ANO3: variants seen among roughly 807,000 people sequenced by gnomAD.
The protein encoded by ANO3 is anoctamin-3.
Under a neutral mutation model 144.8 loss-of-function variants are expected in ANO3, and 99 were observed. That is an observed-to-expected ratio of 0.68 (90% CI 0.58 to 0.81). The LOEUF (loss-of-function observed/expected upper bound fraction) is 0.81, where lower values mean the gene tolerates loss of function less well. Ranked by LOEUF, ANO3 falls within the 30% of genes least tolerant of loss-of-function variation. ANO3 has a pLI of 0.00. For synonymous variants in ANO3, 414 were observed against 392.6 expected, an observed-to-expected ratio of 1.05 and a Z score of -0.64; for missense variants, 905 against 1,202.2, an observed-to-expected ratio of 0.75 and a Z score of 3.66.
At chr11:26,189,281 T>C in exon 1 of ANO3, 1 of 985,348 alleles carries the variant, frequency 1.0e-6, no homozygotes, top group Non-Finnish European at 1.2e-6. Flanking sequence ...CTGAACTCTC[T>C]GGTGATTCTA....
Position 26,553,260 on chromosome 11 carries a change from G to A in ANO3, c.1301G>A (p.Cys434Tyr). The change falls in exon 13 of 27, where the codon TGT (cysteine) becomes TAT (tyrosine). Residue 434 changes from cysteine to tyrosine, a missense_variant. This residue lies in a region of ANO3 where 597 missense variants were observed against 865.1 expected (regional missense o/e 0.69). Coordinates refer to ENST00000256737, the MANE Select transcript of ANO3 (RefSeq NM_031418.4). ...MNNSQVSQEI[C>Y]KATEVFMCPL... Reference sequence around the variant, plus strand: ...TGTTTTTTCTCAAGCCAAGAAATTTGTAAAGCCACTGAAGTCTTTATGTGC... The same window carrying A: ...TGTTTTTTCTCAAGCCAAGAAATTTATAAAGCCACTGAAGTCTTTATGTGC... The A allele has an allele frequency of 4.7e-6, 6 of 1,276,668 alleles. No homozygotes were observed. The highest frequency in any genetic ancestry group is 6.6e-6 in the Non-Finnish European group (6 of 908,830). 79.1% of individuals were successfully genotyped at this position (1,276,668 alleles called of 1,614,324 possible).
intron 6 of ANO3, among the ~76,000 whole-genome samples, chr11:26,520,492 A>G (rs1257312817): frequency 1.3e-5 from 2 of 152,266 alleles, no homozygotes; most frequent in African/African-American, 2.4e-5. Flanking sequence ...GTGATCGTGG[A>G]AAGTCTTAGA....
At chr11:26,211,016 A>G (rs906436604) in intron 1 of ANO3, among the ~76,000 whole-genome samples, 1 of 152,128 alleles carries the variant, frequency 6.6e-6, no homozygotes, top group African/African-American at 2.4e-5. Context: ...TCTAATAGAC[A>G]TCGACACAAC....
At chr11:26,529,090 T>A (rs1849237197) in intron 7 of ANO3, among the ~76,000 whole-genome samples, 1 of 45,262 alleles carries the variant, frequency 2.2e-5, no homozygotes, top group Non-Finnish European at 4.2e-5. Context: ...GCAATTATAA[T>A]TTCTATATTA....
intron 6 of ANO3, among the ~76,000 whole-genome samples, chr11:26,520,446 T>G (rs898024615): frequency 6.6e-6 from 1 of 152,290 alleles, no homozygotes; most frequent in African/African-American, 2.4e-5. Flanking sequence ...AGTTTCTTCT[T>G]TATAATGTTT....
rs753255476 is a variant in ANO3, at chr11:26,525,625, A to AT, written c.693-4dup. ...TGGCTTTCCTTAGCTGTTTTCTATTATTTTTTCAGGAAAAAATGCTATTAC... is the reference window on the plus strand; with the variant it reads ...TGGCTTTCCTTAGCTGTTTTCTATTATTTTTTTCAGGAAAAAATGCTATTAC... On this transcript the variant is annotated splice_polypyrimidine_tract_variant and intron_variant, in intron 6 of 26. Transcript: ENST00000256737. 9.7e-5 allele frequency: 156 copies of AT among 1,609,196 alleles called. No homozygotes were observed. The Middle Eastern group carries it at 1.2e-3, about 12-fold the overall frequency.
intron 14 of ANO3, among the ~76,000 whole-genome samples, chr11:26,587,177 A>G (rs1851310083): frequency 6.6e-6 from 1 of 152,202 alleles, no homozygotes; most frequent in African/African-American, 2.4e-5. Flanking sequence ...TATTTATGCC[A>G]GAGTAGACAA....
At chr11:26,612,696 T>C (rs12577673) in intron 17 of ANO3, among the ~76,000 whole-genome samples, 12,898 of 152,086 alleles carry the variant, frequency 0.085, 825 homozygotes, top group Admixed American at 0.2. Context: ...TGGTGACAAA[T>C]TTCTTCAGCA....
intron 4 of ANO3, among the ~76,000 whole-genome samples, chr11:26,487,773 GTGAAACTTTAAAC>G (rs1860517445): frequency 6.6e-6 from 1 of 152,172 alleles, no homozygotes; most frequent in African/African-American, 2.4e-5. Flanking sequence ...CTAGAGATTT[GTGAAACTTTAAAC>G]TTCAGAGAGA....
chr11:26,261,436 C>A (rs1304657010), intron 1 of ANO3, among the ~76,000 whole-genome samples: 1 of 152,108 alleles, frequency 6.6e-6, no homozygotes, highest in Non-Finnish European at 1.5e-5. Context: ...AACAATTTTG[C>A]CTCATTTAAA....
At chr11:26,195,628 C>T (rs564937334) in intron 1 of ANO3, among the ~76,000 whole-genome samples, 4 of 152,102 alleles carry the variant, frequency 2.6e-5, no homozygotes, top group African/African-American at 4.8e-5. Context: ...GAGAATATGA[C>T]AGTGAGGCCA....
chr11:26,497,124 G>A (rs550862077), intron 4 of ANO3, among the ~76,000 whole-genome samples: 3 of 149,522 alleles, frequency 2.0e-5, no homozygotes, highest in East Asian at 3.9e-4. Flanking sequence ...ATGTATACAC[G>A]TATATATGTA....
chr11:26,403,650 T>C (rs1166458245), intron 1 of ANO3, among the ~76,000 whole-genome samples: 1 of 151,852 alleles, frequency 6.6e-6, no homozygotes, highest in Non-Finnish European at 1.5e-5. Flanking sequence ...TGAATGCCTG[T>C]TTTAACCTTC....
intron 13 of ANO3, among the ~76,000 whole-genome samples, chr11:26,557,356 G>A (rs1217218030): frequency 6.6e-6 from 1 of 151,520 alleles, no homozygotes; most frequent in East Asian, 2.0e-4. Context: ...AGCTACTCGG[G>A]AGGCTGAGGC....
chr11:26,545,231 T>G (rs1183441269), intron 11 of ANO3, among the ~76,000 whole-genome samples: 1 of 152,016 alleles, frequency 6.6e-6, no homozygotes, highest in African/African-American at 2.4e-5. Flanking sequence ...TGTTCAGAGT[T>G]GAATTTCCTT....
At chr11:26,575,625 T>C (rs926989697) in intron 14 of ANO3, among the ~76,000 whole-genome samples, 67 of 152,158 alleles carry the variant, frequency 4.4e-4, no homozygotes, top group African/African-American at 1.6e-3. Context: ...ACTATTTAAA[T>C]ATATAATGGA....
chr11:26,350,700 C>T (rs796219168), intron 1 of ANO3, among the ~76,000 whole-genome samples: 12 of 151,906 alleles, frequency 7.9e-5, no homozygotes, highest in African/African-American at 2.9e-4. Context: ...TCAGAAAATA[C>T]ACAAATATAC....
chr11:26,591,603 G>C (rs531144535), intron 14 of ANO3, among the ~76,000 whole-genome samples: 7 of 152,234 alleles, frequency 4.6e-5, no homozygotes, highest in South Asian at 2.1e-4. Context: ...ATATTTCTGG[G>C]AAGCCACATT....
At chr11:26,555,417 C>T (rs1382068048) in intron 13 of ANO3, among the ~76,000 whole-genome samples, 1 of 152,104 alleles carries the variant, frequency 6.6e-6, no homozygotes, top group Non-Finnish European at 1.5e-5. Context: ...AAGAAATATC[C>T]ACATATGGCA....
Sources: gnomAD v4.1 joint callset for allele counts (sites outside exome capture counted in the v4.1 genomes callset) on GRCh38, gnomAD v4.1.1 for gene constraint, gnomAD v4.1.1 regional missense constraint, MANE v1.5 for transcripts, NCBI Gene and HGNC (gene_info 2026-07-23, HGNC 2026-07-21) for gene names.